Variants in PRICKLE2 observed in about 807,000 individuals in gnomAD.
PRICKLE2 encodes prickle planar cell polarity protein 2.
PRICKLE2 carries 21 observed loss-of-function variants against 81.4 expected under a neutral mutation model. The observed-to-expected ratio is 0.26, with a 90% CI of 0.18 to 0.37. The LOEUF (loss-of-function observed/expected upper bound fraction) is 0.37. Ranked by LOEUF, PRICKLE2 falls within the 10% of genes least tolerant of loss-of-function variation. PRICKLE2 has a pLI of 1.00. For synonymous variants in PRICKLE2, 456 were observed against 421.5 expected, an observed-to-expected ratio of 1.08 and a Z score of -1.00; for missense variants, 940 against 1,109.0, an observed-to-expected ratio of 0.85 and a Z score of 2.16.
At chr3:64,155,141 T>G in intron 5 of PRICKLE2, 1 of 98,976 alleles carries the variant, frequency 1.0e-5, no homozygotes, top group East Asian at 3.0e-4. Context: ...AGAGTGAGAC[T>G]CTGTCTTAAA....
At chr3:64,220,526 G>A (rs1575682287) in intron 1 of PRICKLE2, among the ~76,000 whole-genome samples, 1 of 152,128 alleles carries the variant, frequency 6.6e-6, no homozygotes, top group Non-Finnish European at 1.5e-5. Flanking sequence ...AGTGCCCCAG[G>A]ATACAGCACT....
Position 64,221,420 on chromosome 3 carries a change from T to TACACAC in PRICKLE2, c.-41+3484_-41+3489dup, listed in dbSNP as rs71808412. Reference sequence around the variant, plus strand: ...GAGATCTTCACCCCTGCTTGATTCATACACACACACACACACACACACACA... The same window carrying TACACAC: ...GAGATCTTCACCCCTGCTTGATTCATACACACACACACACACACACACACACACACA... On this transcript the variant is annotated intron_variant, in intron 1 of 7. Transcript: ENST00000638394. Among the ~76,000 whole-genome samples the TACACAC allele has an allele frequency of 2.8e-3, 404 of 143,904 alleles. 1 individual carries two copies. The highest frequency in any genetic ancestry group is 7.2e-3 in the African/African-American group (280 of 38,962). The allele number at this position is 143,904 out of a possible 152,430, so 94.4% of individuals were successfully genotyped here. A position where few individuals can be genotyped will look rare whatever the true frequency, so the allele number is the denominator to read the frequency against.
At chr3:64,238,618 G>A (rs2079217692) in intron 2 of PRICKLE2, among the ~76,000 whole-genome samples, 1 of 152,154 alleles carries the variant, frequency 6.6e-6, no homozygotes, top group African/African-American at 2.4e-5. Context: ...GTCCCCTGCT[G>A]CCAAGGACCT....
intron 1 of PRICKLE2, among the ~76,000 whole-genome samples, chr3:64,217,629 G>A (rs549538659): frequency 1.3e-5 from 2 of 152,304 alleles, no homozygotes; most frequent in East Asian, 3.9e-4. Context: ...GGTATCCAAG[G>A]GTTGGGTTAG....
intron 2 of PRICKLE2, among the ~76,000 whole-genome samples, chr3:64,239,963 A>T (rs1392626166): frequency 6.7e-6 from 1 of 149,810 alleles, no homozygotes; most frequent in Non-Finnish European, 1.5e-5. Context: ...AAAAAAAAAA[A>T]AAAAAAAAAA....
At chr3:64,181,620 A>AC (rs2107081348) in intron 2 of PRICKLE2, among the ~76,000 whole-genome samples, 1 of 152,292 alleles carries the variant, frequency 6.6e-6, no homozygotes, top group African/African-American at 2.4e-5. Context: ...AGAAAAAAAA[A>AC]CAATCTTAAC....
At chr3:64,263,019 A>G (rs2107191431) in intron 2 of PRICKLE2, among the ~76,000 whole-genome samples, 1 of 152,268 alleles carries the variant, frequency 6.6e-6, no homozygotes, top group Admixed American at 6.5e-5. Context: ...ATGCAACATC[A>G]AGCCTCAATG....
rs796144022 is a variant in PRICKLE2 at position 64,217,061 on chromosome 3, C to T, written c.-41+7849G>A. 7.2e-5 allele frequency among the ~76,000 whole-genome samples: 11 copies of T among 152,298 alleles called. 1 individual carries two copies. Among genetic ancestry groups the T allele is most frequent in the African/African-American group, 2.6e-4 (11 of 41,564 alleles). ...GGGAGAGCTGTAGCTGAGGGCTATGCAGTTGCTGTGCCAGGAGCACGCACT... is the reference window on the plus strand; with the variant it reads ...GGGAGAGCTGTAGCTGAGGGCTATGTAGTTGCTGTGCCAGGAGCACGCACT... On this transcript the variant is annotated intron_variant, in intron 1 of 7. Transcript: ENST00000638394.
intron 3 of PRICKLE2, among the ~76,000 whole-genome samples, chr3:64,160,968 A>T (rs987406666): frequency 2.7e-5 from 4 of 150,008 alleles, no homozygotes; most frequent in Non-Finnish European, 6.0e-5. Flanking sequence ...ACAAACAAAC[A>T]AACAAACAAA....
intron 6 of PRICKLE2, among the ~76,000 whole-genome samples, chr3:64,150,205 C>G (rs754334253): frequency 6.6e-6 from 1 of 152,044 alleles, no homozygotes; most frequent in East Asian, 1.9e-4. Context: ...AGGTTCAAAT[C>G]CCAGCTCCAT....
intron 4 of PRICKLE2, 149 bp from the exon 5 acceptor site, chr3:64,157,514 G>C (rs946786118): frequency 2.1e-5 from 17 of 822,088 alleles, no homozygotes; most frequent in Admixed American, 1.4e-4. Context: ...CAGGCAGCAG[G>C]GCAGGTTTTT....
At chr3:64,164,355 T>TG (rs1253225528) in intron 2 of PRICKLE2, among the ~76,000 whole-genome samples, 3 of 151,194 alleles carry the variant, frequency 2.0e-5, no homozygotes, top group African/African-American at 7.4e-5. Flanking sequence ...TCAACAAAAA[T>TG]AAAAAAAAAA....
At chr3:64,266,211 A>G (rs2079706117) in intron 2 of PRICKLE2, among the ~76,000 whole-genome samples, 1 of 152,152 alleles carries the variant, frequency 6.6e-6, no homozygotes, top group Admixed American at 6.5e-5. Flanking sequence ...GAAAAAAAAA[A>G]AAGCTAAACC....
chr3:64,123,979 G>A (rs999344289), intron 7 of PRICKLE2, among the ~76,000 whole-genome samples: 4 of 152,220 alleles, frequency 2.6e-5, no homozygotes, highest in Admixed American at 6.5e-5. Flanking sequence ...AGCTTAGTGA[G>A]GAAGACACGT....
chr3:64,158,412 AGCAT>A (rs1388427699), intron 4 of PRICKLE2, among the ~76,000 whole-genome samples: 1 of 152,268 alleles, frequency 6.6e-6, no homozygotes, highest in Non-Finnish European at 1.5e-5. Flanking sequence ...GCAGAGCTAA[AGCAT>A]GCAGACATAA....
At position 64,214,325 on chromosome 3, in the gene PRICKLE2, C is replaced by G. The variant is rs138248668; in HGVS notation, c.-41+10585G>C. Reference sequence around the variant, plus strand: ...CAGTGGACTTGCGAAACAAGAGAATCGAGCGATTGGAGGTTTACCAGACAC... The same window carrying G: ...CAGTGGACTTGCGAAACAAGAGAATGGAGCGATTGGAGGTTTACCAGACAC... On this transcript the variant is annotated intron_variant, in intron 1 of 7. Coordinates refer to ENST00000638394, the MANE Select transcript of PRICKLE2 (RefSeq NM_198859.4). Among the ~76,000 whole-genome samples, 393 of 152,300 alleles carry G rather than the reference C, an allele frequency of 2.6e-3. 4 individuals carry two copies. Among genetic ancestry groups the G allele is most frequent in the African/African-American group, 8.9e-3 (368 of 41,562 alleles).
chr3:64,180,131 G>T (rs561662134), intron 2 of PRICKLE2, among the ~76,000 whole-genome samples: 2 of 152,176 alleles, frequency 1.3e-5, no homozygotes, highest in Non-Finnish European at 2.9e-5. Context: ...TGTTATGTGC[G>T]TATGTTATAT....
chr3:64,236,454 C>A (rs764221492), intron 2 of PRICKLE2, among the ~76,000 whole-genome samples: 4 of 152,096 alleles, frequency 2.6e-5, no homozygotes, highest in Non-Finnish European at 5.9e-5. Flanking sequence ...TAATCACAGC[C>A]TAGGGACACT....
intron 2 of PRICKLE2, among the ~76,000 whole-genome samples, chr3:64,196,892 AT>A (rs1317016535): frequency 6.6e-6 from 1 of 152,242 alleles, no homozygotes; most frequent in Non-Finnish European, 1.5e-5. Context: ...GAGATTCCAG[AT>A]CTTCAAAATT....
Sources: allele counts gnomAD v4.1 joint callset (sites outside exome capture counted in the v4.1 genomes callset), GRCh38; gene constraint gnomAD v4.1.1; transcripts MANE v1.5; gene names NCBI Gene and HGNC (gene_info 2026-07-23, HGNC 2026-07-21).